Variants in ZNF407 observed in about 807,000 individuals in gnomAD.
The protein encoded by ZNF407 is zinc finger protein 407.
A neutral mutation model predicts 131.2 loss-of-function variants in ZNF407; 17 were observed. The ratio of observed to expected loss-of-function variants is 0.13; its 90% CI spans 0.09 to 0.19. The LOEUF (loss-of-function observed/expected upper bound fraction) is 0.19. Among genes scored for constraint, ZNF407 ranks in the 10% least tolerant of loss-of-function variants. ZNF407 has a pLI of 1.00. For missense variants in ZNF407, 2,681 were observed against 2,830.6 expected, an observed-to-expected ratio of 0.95 and a Z score of 1.20; for synonymous variants, 1,156 against 1,062.0, an observed-to-expected ratio of 1.09 and a Z score of -1.72.
intron 8 of ZNF407, among the ~76,000 whole-genome samples, chr18:75,034,230 G>A (rs1024658036): frequency 6.7e-6 from 1 of 150,042 alleles, no homozygotes; most frequent in East Asian, 2.0e-4. Flanking sequence ...TATTCAAAGA[G>A]TATATTTAAT....
rs1361128098 is a variant in ZNF407 at position 75,064,598 on chromosome 18, T to G, written c.*130T>G. ...ACAAGGCTCCCGTGAGCTCTGAGCA[T>G]GCCCTCCCAGCGAGAGTCACACTGG... On this transcript the variant is annotated 3_prime_UTR_variant, in exon 9 of 9. Transcript: ENST00000299687. 3 of 864,172 alleles carry G rather than the reference T, an allele frequency of 3.5e-6. No homozygotes were observed. Among genetic ancestry groups the G allele is most frequent in the Non-Finnish European group, 5.0e-6 (3 of 598,348 alleles). The allele number at this position is 864,172 out of a possible 1,614,324, so 53.5% of individuals were successfully genotyped here.
At chr18:75,049,647 C>G (rs373832697) in intron 8 of ZNF407, among the ~76,000 whole-genome samples, 1 of 152,182 alleles carries the variant, frequency 6.6e-6, no homozygotes. Context: ...CTTCCTATAA[C>G]TTCCCTCTGC....
intron 3 of ZNF407, among the ~76,000 whole-genome samples, chr18:74,770,879 G>A (rs1010592641): frequency 6.6e-5 from 10 of 152,110 alleles, no homozygotes; most frequent in Non-Finnish European, 1.5e-4. Context: ...CAGGAGAGGT[G>A]TGAAATTTAA....
At chr18:74,744,784 A>ACT (rs56937325) in intron 3 of ZNF407, among the ~76,000 whole-genome samples, 120,803 of 142,088 alleles carry the variant, frequency 0.85, 51,748 homozygotes, top group East Asian at 0.96. Context: ...GCAATGTATT[A>ACT]GTGTGTAATA....
At chr18:74,824,918 G>T (rs983389163) in intron 4 of ZNF407, among the ~76,000 whole-genome samples, 2 of 151,692 alleles carry the variant, frequency 1.3e-5, no homozygotes, top group African/African-American at 4.8e-5. Flanking sequence ...AACAAAAAAA[G>T]TTCAGGCCAG....
At chr18:74,725,233 T>C (rs958082132) in intron 3 of ZNF407, among the ~76,000 whole-genome samples, 1 of 152,144 alleles carries the variant, frequency 6.6e-6, no homozygotes, top group Non-Finnish European at 1.5e-5. Context: ...CCTCCTAGGC[T>C]CCAGTGAGCC....
chr18:74,742,873 A>G (rs1968582609), intron 3 of ZNF407, among the ~76,000 whole-genome samples: 1 of 152,168 alleles, frequency 6.6e-6, no homozygotes, highest in East Asian at 1.9e-4. Flanking sequence ...TTGAATGTAT[A>G]TTCAGTTAAT....
intron 8 of ZNF407, among the ~76,000 whole-genome samples, chr18:74,935,664 G>C (rs922820072): frequency 6.6e-6 from 1 of 152,212 alleles, no homozygotes; most frequent in Non-Finnish European, 1.5e-5. Flanking sequence ...AGGCAAGGGG[G>C]AGGGTACTTG....
intron 3 of ZNF407, among the ~76,000 whole-genome samples, chr18:74,747,188 C>CT (rs1968689221): frequency 6.6e-6 from 1 of 152,022 alleles, no homozygotes; most frequent in Non-Finnish European, 1.5e-5. Flanking sequence ...TATTTCCTCA[C>CT]TTTCTCTTTT....
At chr18:74,786,534 C>T (rs1265800104) in intron 4 of ZNF407, among the ~76,000 whole-genome samples, 1 of 151,748 alleles carries the variant, frequency 6.6e-6, no homozygotes, top group African/African-American at 2.4e-5. Flanking sequence ...GGCTTCTCTC[C>T]ACCTTAGAAC....
chr18:74,755,771 T>TTC (rs112828430), intron 3 of ZNF407, among the ~76,000 whole-genome samples: 155 of 130,546 alleles, frequency 1.2e-3, no homozygotes, highest in South Asian at 2.6e-3. Context: ...CTTTCTTTCT[T>TTC]TCTCTCTCTC....
chr18:74,699,529 C>T (rs1025753300), intron 3 of ZNF407, among the ~76,000 whole-genome samples: 4 of 152,104 alleles, frequency 2.6e-5, no homozygotes, highest in Admixed American at 6.6e-5. Context: ...CTCCTGGTAC[C>T]GGTGTTGGAG....
intron 4 of ZNF407, among the ~76,000 whole-genome samples, chr18:74,835,949 T>C (rs938825626): frequency 2.0e-5 from 3 of 149,898 alleles, no homozygotes; most frequent in Non-Finnish European, 4.4e-5. Flanking sequence ...GCTGAATGTA[T>C]CGCAGGCTAG....
chr18:74,736,586 G>A (rs959880815), intron 3 of ZNF407, among the ~76,000 whole-genome samples: 2 of 151,918 alleles, frequency 1.3e-5, no homozygotes, highest in African/African-American at 4.8e-5. Flanking sequence ...TACTATTTCT[G>A]TACTGAGATT....
At chr18:74,778,909 A>G (rs1398636545) in intron 3 of ZNF407, among the ~76,000 whole-genome samples, 1 of 151,704 alleles carries the variant, frequency 6.6e-6, no homozygotes, top group African/African-American at 2.4e-5. Flanking sequence ...ATTTGCCATC[A>G]TTTTTGTTTT....
chr18:74,921,055 G>A (rs1206095954), intron 8 of ZNF407: 13 of 953,212 alleles, frequency 1.4e-5, no homozygotes, highest in Non-Finnish European at 1.6e-5. Context: ...CTTGTGATTT[G>A]AAATGTTATG....
At chr18:74,774,229 GTCTC>G (rs1433229331) in intron 3 of ZNF407, among the ~76,000 whole-genome samples, 1 of 152,176 alleles carries the variant, frequency 6.6e-6, no homozygotes, top group East Asian at 1.9e-4. Flanking sequence ...AAATGGTTAA[GTCTC>G]TCTATCAAAG....
intron 3 of ZNF407, among the ~76,000 whole-genome samples, chr18:74,723,826 G>C (rs1968094299): frequency 6.6e-6 from 1 of 150,678 alleles, no homozygotes; most frequent in Non-Finnish European, 1.5e-5. Flanking sequence ...ATCATGGTTT[G>C]CTTCATGGTT....
chr18:74,830,406 CT>C (rs1338693904), intron 4 of ZNF407, among the ~76,000 whole-genome samples: 1 of 152,256 alleles, frequency 6.6e-6, no homozygotes, highest in African/African-American at 2.4e-5. Context: ...CCTCAGCCCC[CT>C]GAGTAGCTGT....
Sources: gnomAD v4.1 joint callset for allele counts (sites outside exome capture counted in the v4.1 genomes callset) on GRCh38, gnomAD v4.1.1 for gene constraint, MANE v1.5 for transcripts, NCBI Gene and HGNC (gene_info 2026-07-23, HGNC 2026-07-21) for gene names.